LRP2: variants seen among roughly 807,000 people sequenced by gnomAD.
LRP2 encodes the protein low-density lipoprotein receptor-related protein 2.
A neutral mutation model predicts 531.0 loss-of-function variants in LRP2; 172 were observed. That is an observed-to-expected ratio of 0.32 (90% CI 0.29 to 0.37). The LOEUF is 0.37. Among genes scored for constraint, LRP2 ranks in the 10% least tolerant of loss-of-function variants. The pLI is 1.00. For synonymous variants in LRP2, 1,992 were observed against 2,027.6 expected, an observed-to-expected ratio of 0.98 and a Z score of 0.47; for missense variants, 5,167 against 5,868.3, an observed-to-expected ratio of 0.88 and a Z score of 3.90.
chr2:169,282,922 T>C lies in LRP2; in HGVS notation c.1122A>G (p.Glu374=). The part of the protein sequence containing the change: ...SRPGRHLCHC[E]EGYILERGQY... ...GTCCACGCTCCAAGATATACCCTTC[T>C]TCACAGTGGCACAGGTGACGGCCAG... Residue 374 remains glutamate, a synonymous_variant, in exon 10 of 79, where the codon GAA becomes GAG. Transcript: ENST00000649046. 1 of 1,614,046 alleles carries C rather than the reference T, an allele frequency of 6.2e-7. No individual in the cohort carries two copies. The highest frequency in any genetic ancestry group is 1.1e-5 in the South Asian group (1 of 91,078).
At chr2:169,226,284 C>A in intron 32 of LRP2, 138 bp downstream of exon 32, 1 of 707,372 alleles carries the variant, frequency 1.4e-6, no homozygotes, top group South Asian at 1.8e-5. Flanking sequence ...CTCATTGAAT[C>A]AAAAAACTTA....
intron 52 of LRP2, among the ~76,000 whole-genome samples, chr2:169,178,950 A>T (rs1303822402): frequency 1.3e-5 from 2 of 152,132 alleles, no homozygotes; most frequent in African/African-American, 4.8e-5. Flanking sequence ...GTTGATAAGG[A>T]TGCAGGTAAA....
At chr2:169,343,027 C>T (rs1242238283) in intron 1 of LRP2, among the ~76,000 whole-genome samples, 1 of 152,164 alleles carries the variant, frequency 6.6e-6, no homozygotes, top group Non-Finnish European at 1.5e-5. Flanking sequence ...GTAGTCTTCC[C>T]TGGGCAAATC....
chr2:169,247,535 G>C lies in LRP2; in HGVS notation c.2771-20C>G, dbSNP rs1163140032. 3 of 1,613,654 alleles carry C rather than the reference G, an allele frequency of 1.9e-6. No homozygotes were observed. The highest frequency in any genetic ancestry group is 2.5e-6 in the Non-Finnish European group (3 of 1,179,692). The stretch of plus-strand genomic sequence containing the variant: ...AATGCTCTGAAAAGAAACATGGGTA[G>C]ATTAGTATTTTCAGTCACAGCTAAC... On this transcript the variant is annotated intron_variant, in intron 19 of 78. Transcript: ENST00000649046.
chr2:169,142,880 C>G (rs1685774003), intron 70 of LRP2, 87 bp from the exon 71 acceptor site: 18 of 1,468,992 alleles, frequency 1.2e-5, no homozygotes, highest in Non-Finnish European at 1.4e-5. Flanking sequence ...TGCCAGGTGA[C>G]AGCAGAGCCT....
At chr2:169,185,406 T>C (rs575324779) in intron 50 of LRP2, 97 bp downstream of exon 50, 1 of 1,266,030 alleles carries the variant, frequency 7.9e-7, no homozygotes, top group Admixed American at 2.0e-5. Context: ...TATCTGCATA[T>C]TAACCCAAGT....
At chr2:169,316,951 T>C (rs1224338229) in intron 3 of LRP2, among the ~76,000 whole-genome samples, 4 of 151,978 alleles carry the variant, frequency 2.6e-5, no homozygotes, top group Non-Finnish European at 5.9e-5. Context: ...TCAAGTGCAA[T>C]CTAAATGCCC....
rs111380085 is a variant in LRP2, at chr2:169,157,672, C to T, written c.11888-170G>A. On this transcript the variant is annotated intron_variant, in intron 63 of 78. Coordinates refer to ENST00000649046, the MANE Select transcript of LRP2 (RefSeq NM_004525.3). ...ACTGGGGGAGTCAGGATTCCTATTTCTGATCGTGATCTGAATACCATTTAG... is the reference window on the plus strand; with the variant it reads ...ACTGGGGGAGTCAGGATTCCTATTTTTGATCGTGATCTGAATACCATTTAG... Among the ~76,000 whole-genome samples the T allele has an allele frequency of 3.5e-3, 539 of 152,106 alleles. 5 individuals are homozygous for T. The highest frequency in any genetic ancestry group is 0.012 in the African/African-American group (507 of 41,512).
intron 3 of LRP2, among the ~76,000 whole-genome samples, chr2:169,310,203 G>A (rs1056845773): frequency 6.6e-6 from 1 of 151,990 alleles, no homozygotes. Context: ...TTCCTAATTG[G>A]ATACCCTTTA....
At chr2:169,203,945 A>T in intron 42 of LRP2, 37 bp downstream of exon 42, 2 of 1,608,576 alleles carry the variant, frequency 1.2e-6, no homozygotes, top group Non-Finnish European at 1.7e-6. Flanking sequence ...TGTGATCATT[A>T]TTCTCCATGT....
Position 169,128,631 on chromosome 2 carries a change from G to A in LRP2, c.*32C>T. ...GTAAAAAATATATGTGCAAAAGTGT[G>A]TTTCTAATTATTCCCTAAATAGCTG... On this transcript the variant is annotated 3_prime_UTR_variant, in exon 79 of 79. Transcript: ENST00000649046. 1 of 1,595,918 alleles carries A rather than the reference G, an allele frequency of 6.3e-7. No individual in the cohort carries two copies. Among genetic ancestry groups the A allele is most frequent in the Admixed American group, 1.7e-5 (1 of 59,976 alleles).
chr2:169,247,597 G>C (rs1420149575), intron 19 of LRP2, 82 bp from the exon 20 acceptor site: 2 of 1,445,564 alleles, frequency 1.4e-6, no homozygotes, highest in African/African-American at 2.8e-5. Context: ...CAATAGGCTT[G>C]AAATGCTTCT....
intron 39 of LRP2, 31 bp from the exon 40 acceptor site, chr2:169,206,219 G>T: frequency 6.2e-7 from 1 of 1,613,652 alleles, no homozygotes; most frequent in South Asian, 1.1e-5. Context: ...ACACACACAA[G>T]CACACACAAA....
At chr2:169,294,441 C>T (rs557692920) in intron 5 of LRP2, among the ~76,000 whole-genome samples, 159 bp downstream of exon 5, 7 of 152,126 alleles carry the variant, frequency 4.6e-5, no homozygotes, top group Admixed American at 2.0e-4. Context: ...TAGTGTTTGC[C>T]GATTTCCAGT....
intron 14 of LRP2, among the ~76,000 whole-genome samples, chr2:169,274,532 C>A (rs1683502002): frequency 1.3e-5 from 2 of 152,074 alleles, no homozygotes; most frequent in South Asian, 4.1e-4. Context: ...AGACACCAAA[C>A]CCAGTTGGCC....
chr2:169,353,305 C>T (rs974297277), intron 1 of LRP2, among the ~76,000 whole-genome samples: 2 of 152,162 alleles, frequency 1.3e-5, no homozygotes. Flanking sequence ...CACGTAGCCC[C>T]ATTTGCCCTG....
chr2:169,191,051 T>C (rs985666172), intron 48 of LRP2, among the ~76,000 whole-genome samples: 1 of 152,114 alleles, frequency 6.6e-6, no homozygotes, highest in Admixed American at 6.5e-5. Flanking sequence ...GCCGAATCTG[T>C]TTGATCCACA....
intron 16 of LRP2, among the ~76,000 whole-genome samples, chr2:169,262,645 A>G (rs2105419247): frequency 6.6e-6 from 1 of 150,430 alleles, no homozygotes; most frequent in South Asian, 2.2e-4. Context: ...AGGAAGAATC[A>G]ATATCGTGAA....
chr2:169,161,582 T>G (rs1686589215), intron 63 of LRP2, among the ~76,000 whole-genome samples: 1 of 152,152 alleles, frequency 6.6e-6, no homozygotes, highest in Non-Finnish European at 1.5e-5. Flanking sequence ...CAAGCCATCC[T>G]TCCACCTCAT....
Sources: allele counts gnomAD v4.1 joint callset (sites outside exome capture counted in the v4.1 genomes callset), GRCh38; gene constraint gnomAD v4.1.1; transcripts MANE v1.5; gene names NCBI Gene and HGNC (gene_info 2026-07-23, HGNC 2026-07-21).